The following UTRN variants were observed in gnomAD, a reference collection of about 807,000 sequenced individuals.
UTRN encodes the protein dystrophin-related protein 1.
UTRN carries 283 observed loss-of-function variants against 463.9 expected under a neutral mutation model. The observed-to-expected ratio is 0.61, with a 90% CI of 0.55 to 0.67. UTRN has a LOEUF of 0.67. UTRN is among the 30% of genes least tolerant of loss of function. UTRN has a pLI of 0.00. For missense variants in UTRN, 3,922 were observed against 4,084.3 expected (o/e 0.96, Z 1.08); for synonymous variants, 1,442 against 1,431.5 (o/e 1.01, Z -0.17).
intron 42 of UTRN, among the ~76,000 whole-genome samples, chr6:144,531,524 A>G (rs1797055527): frequency 6.6e-6 from 1 of 152,228 alleles, no homozygotes; most frequent in African/African-American, 2.4e-5. Flanking sequence ...CAGAAAAAAT[A>G]TTTGCATGCC....
intron 65 of UTRN, among the ~76,000 whole-genome samples, chr6:144,814,072 G>C (rs1586681563): frequency 6.6e-6 from 1 of 152,198 alleles, no homozygotes; most frequent in African/African-American, 2.4e-5. Flanking sequence ...CTCAAGTACT[G>C]CTATGAATGG....
intron 4 of UTRN, among the ~76,000 whole-genome samples, chr6:144,423,265 G>C (rs767378147): frequency 6.6e-6 from 1 of 152,194 alleles, no homozygotes; most frequent in Non-Finnish European, 1.5e-5. Flanking sequence ...CACACTCTTT[G>C]GGGGTGGGGT....
At chr6:144,575,932 C>A (rs959329294) in intron 50 of UTRN, among the ~76,000 whole-genome samples, 4 of 152,102 alleles carry the variant, frequency 2.6e-5, no homozygotes, top group Non-Finnish European at 5.9e-5. Flanking sequence ...CCATGCAATC[C>A]TAGGCAACAC....
At chr6:144,441,407 G>A (rs1287698198) in intron 13 of UTRN, among the ~76,000 whole-genome samples, 1 of 152,214 alleles carries the variant, frequency 6.6e-6, no homozygotes, top group Non-Finnish European at 1.5e-5. Flanking sequence ...ATACGGTGGG[G>A]TAGTCAAATC....
Position 144,437,004 on chromosome 6 carries a change from G to A in UTRN, c.1060-561G>A, listed in dbSNP as rs1584781454. Among the ~76,000 whole-genome samples the A allele has an allele frequency of 2.0e-5, 3 of 149,614 alleles. No homozygotes were observed. The Admixed American group carries it at 2.0e-4, about 10-fold the overall frequency. On this transcript the variant is annotated intron_variant, in intron 10 of 74. Coordinates refer to ENST00000367545, the MANE Select transcript of UTRN (RefSeq NM_007124.3). ...GTCTTACTCTGTCACCCAGGCTGGA[G>A]TGCAGTGGCACAATCTTGGCTCACT...
intron 28 of UTRN, among the ~76,000 whole-genome samples, chr6:144,486,145 G>C (rs983360898): frequency 6.6e-5 from 10 of 152,190 alleles, no homozygotes; most frequent in African/African-American, 1.4e-4. Flanking sequence ...AAAAGGGAAG[G>C]GGGTAGATAG....
At chr6:144,458,360 TAG>T (rs1175645239) in intron 19 of UTRN, among the ~76,000 whole-genome samples, 3 of 152,208 alleles carry the variant, frequency 2.0e-5, no homozygotes, top group African/African-American at 7.2e-5. Flanking sequence ...CTAGTTTTTC[TAG>T]CCAGCTTTCT....
chr6:144,307,063 GAA>G (rs370017840), intron 2 of UTRN, among the ~76,000 whole-genome samples: 2,863 of 141,352 alleles, frequency 0.02, 107 homozygotes, highest in African/African-American at 0.07. Context: ...TGACTCTGTT[GAA>G]AAAAAAAAAA....
At chr6:144,446,267 T>TTG (rs372949726) in intron 14 of UTRN, among the ~76,000 whole-genome samples, 12 of 151,544 alleles carry the variant, frequency 7.9e-5, no homozygotes, top group East Asian at 1.9e-4. Context: ...ACTATACCTT[T>TTG]TGTGTGTGTG....
At position 144,308,341 on chromosome 6, in the gene UTRN, C is replaced by T. The variant is rs57632768; in HGVS notation, c.79+16434C>T. Among the ~76,000 whole-genome samples the T allele has an allele frequency of 9.4e-3, 1,427 of 152,240 alleles. 24 individuals are homozygous for T. Among genetic ancestry groups the T allele is most frequent in the African/African-American group, 0.033 (1,362 of 41,558 alleles). On this transcript the variant is annotated intron_variant, in intron 2 of 74. Coordinates refer to ENST00000367545, the MANE Select transcript of UTRN (RefSeq NM_007124.3). ...AGCCCCTCTGTCATCTGAATTTAAG[C>T]GTCCCATTTTTTCGGTACTAGCATG...
At chr6:144,480,894 T>C (rs1791788637) in intron 26 of UTRN, among the ~76,000 whole-genome samples, 1 of 152,182 alleles carries the variant, frequency 6.6e-6, no homozygotes, top group Non-Finnish European at 1.5e-5. Flanking sequence ...TCAAAGTAAA[T>C]ATGACAGGAG....
At chr6:144,393,553 G>A (rs11965388) in intron 2 of UTRN, among the ~76,000 whole-genome samples, 20,398 of 152,152 alleles carry the variant, frequency 0.13, 1,528 homozygotes, top group Admixed American at 0.21. Context: ...TGACCCACAT[G>A]GTGCAGGGAG....
intron 2 of UTRN, among the ~76,000 whole-genome samples, chr6:144,350,256 T>TAAAA (rs11443344): frequency 6.3e-5 from 9 of 142,280 alleles, no homozygotes; most frequent in East Asian, 2.0e-4. Flanking sequence ...GACTGTTTTC[T>TAAAA]AAAAAAAAAA....
intron 17 of UTRN, among the ~76,000 whole-genome samples, chr6:144,450,436 A>T (rs1183932945): frequency 1.3e-5 from 2 of 152,208 alleles, no homozygotes; most frequent in Non-Finnish European, 2.9e-5. Context: ...TCCCTTGGCA[A>T]GGGAAACTCC....
chr6:144,361,772 CTTTT>C (rs371182123), intron 2 of UTRN, among the ~76,000 whole-genome samples: 3 of 134,812 alleles, frequency 2.2e-5, no homozygotes, highest in Non-Finnish European at 1.6e-5. Flanking sequence ...TTCTTTCTTT[CTTTT>C]TTTTTTTTTT....
At chr6:144,489,678 G>A (rs536735206) in intron 30 of UTRN, among the ~76,000 whole-genome samples, 3 of 152,154 alleles carry the variant, frequency 2.0e-5, no homozygotes, top group South Asian at 2.1e-4. Flanking sequence ...CTAGAGTGCA[G>A]TGGCGCGATC....
At chr6:144,531,226 G>T in intron 42 of UTRN, 24 bp downstream of exon 42, 2 of 1,612,516 alleles carry the variant, frequency 1.2e-6, no homozygotes, top group African/African-American at 1.3e-5. Context: ...GTTAGAGGAG[G>T]GGGACTGCAC....
At chr6:144,815,350 A>G (rs931321872) in intron 65 of UTRN, among the ~76,000 whole-genome samples, 1 of 152,208 alleles carries the variant, frequency 6.6e-6, no homozygotes, top group Non-Finnish European at 1.5e-5. Flanking sequence ...GGCTGTCTAG[A>G]GGGTCAGAAC....
At chr6:144,314,173 G>A (rs1456800551) in intron 2 of UTRN, among the ~76,000 whole-genome samples, 1 of 152,124 alleles carries the variant, frequency 6.6e-6, no homozygotes, top group Admixed American at 6.5e-5. Flanking sequence ...ACTAGAGGGA[G>A]CCAGCGTTGG....
Sources: allele counts gnomAD v4.1 joint callset (sites outside exome capture counted in the v4.1 genomes callset), GRCh38; gene constraint gnomAD v4.1.1; transcripts MANE v1.5; gene names NCBI Gene and HGNC (gene_info 2026-07-23, HGNC 2026-07-21).